RRP12: variants seen among roughly 807,000 people sequenced by gnomAD.
RRP12 encodes ribosomal RNA processing 12 homolog.
A neutral mutation model predicts 157.3 loss-of-function variants in RRP12; 78 were observed. The observed-to-expected ratio is 0.50, with a 90% CI of 0.41 to 0.60. The LOEUF (loss-of-function observed/expected upper bound fraction) is 0.60, where lower values mean the gene tolerates loss of function less well. RRP12 is among the 20% of genes least tolerant of loss of function. The pLI is 0.00. For synonymous variants in RRP12, 726 were observed against 670.9 expected (o/e 1.08, Z -1.27); for missense variants, 1,521 against 1,679.9 (o/e 0.91, Z 1.65).
intron 1 of RRP12, among the ~76,000 whole-genome samples, chr10:97,400,842 A>G (rs919373651): frequency 1.3e-5 from 2 of 152,188 alleles, no homozygotes; most frequent in Non-Finnish European, 2.9e-5. Flanking sequence ...GAGCTACCCA[A>G]GGTCCAAGCC....
rs1026313654 is a variant in RRP12 at position 97,374,527 on chromosome 10, C to G, written c.1799-633G>C. ...GTGGCTCACACCTGTAATCCCAGCACTTTGGGAGGCTGAGGCGGGCAGATC... is the reference window on the plus strand; with the variant it reads ...GTGGCTCACACCTGTAATCCCAGCAGTTTGGGAGGCTGAGGCGGGCAGATC... On this transcript the variant is annotated intron_variant, in intron 15 of 33. Transcript: ENST00000370992. Among the ~76,000 whole-genome samples, 4 of 151,660 alleles carry G rather than the reference C, an allele frequency of 2.6e-5. No homozygotes were observed. In the East Asian group the frequency reaches 7.9e-4, roughly 30 times the overall value.
In RRP12 at chr10:97,372,121, G is replaced by A. The variant is rs761443889; in HGVS notation, c.2295C>T (p.Asp765=). The A allele has an allele frequency of 2.0e-5, 32 of 1,613,600 alleles. No individual in the cohort carries two copies. Among genetic ancestry groups the A allele is most frequent in the Admixed American group, 1.0e-4 (6 of 59,994 alleles). Residue 765 remains aspartate, a synonymous_variant, in exon 20 of 34, where the codon GAC becomes GAT. Transcript: ENST00000370992. ...AGTATAGCTTACTGATGGCAGCTTCGTCAGCACACGGAGCCAAGGCCACGA... is the reference window on the plus strand; with the variant it reads ...AGTATAGCTTACTGATGGCAGCTTCATCAGCACACGGAGCCAAGGCCACGA... ...DLVVALAPCA[D]EAAISKLYST...
rs537074403 is a variant in RRP12, at chr10:97,400,359, G to A, written c.315C>T (p.Val105=). 2.5e-6 allele frequency: 4 copies of A among 1,613,866 alleles called. No homozygotes were observed. Among genetic ancestry groups the A allele is most frequent in the Admixed American group, 3.3e-5 (2 of 59,972 alleles). The part of the protein sequence containing the change: ...FLSGLSDCTN[V]TFSKVQRFWE... ...AGAAGCGCTGTACTTTGCTGAAGGT[G>A]ACGTTTGTGCAGTCGGAAAGGCCAC... The change falls in exon 2 of 34, where the codon GTC becomes GTT. Residue 105 remains valine (V), a synonymous_variant. Transcript: ENST00000370992.
At chr10:97,358,889 T>C in intron 32 of RRP12, 54 bp downstream of exon 32, 1 of 1,449,288 alleles carries the variant, frequency 6.9e-7, no homozygotes, top group Non-Finnish European at 9.7e-7. Flanking sequence ...TCCTTGCCCC[T>C]CCCTGGCACC....
At chr10:97,359,943 G>T (rs987534986) in intron 31 of RRP12, among the ~76,000 whole-genome samples, 7 of 152,228 alleles carry the variant, frequency 4.6e-5, no homozygotes. Flanking sequence ...CTTCCCACAG[G>T]AGCCCCTGGA....
In RRP12 at chr10:97,370,769, C is replaced by T. The variant is rs779173150; in HGVS notation, c.2530G>A (p.Val844Met). The change falls in exon 22 of 34, where the codon GTG becomes ATG. Residue 844 changes from valine to methionine, a missense_variant. Val to Met is a conservative substitution (Grantham distance 21). Transcript: ENST00000370992. ...RPRLKCLLHI[V>M]RKLSAEHKEF... ...TTGTGTTCAGCTGAGAGCTTCCTCA[C>T]GATGTGTAGGAGGCACTTCAAACGG... The T allele has an allele frequency of 7.4e-6, 12 of 1,613,962 alleles. No individual in the cohort carries two copies. The highest frequency in any genetic ancestry group is 2.2e-5 in the South Asian group (2 of 91,082).
chr10:97,399,815 G>C (rs1845086833), intron 2 of RRP12, among the ~76,000 whole-genome samples: 1 of 152,062 alleles, frequency 6.6e-6, no homozygotes, highest in Admixed American at 6.6e-5. Flanking sequence ...CTACTTGGGA[G>C]GCTGAGGCAG....
chr10:97,400,597 C>T (rs1845118376), intron 1 of RRP12, 63 bp from the exon 2 acceptor site: 2 of 1,389,432 alleles, frequency 1.4e-6, no homozygotes, highest in South Asian at 1.2e-5. Flanking sequence ...CAGAACAACC[C>T]CTGGGAAACA....
At chr10:97,399,908 ACT>A (rs1845089646) in intron 2 of RRP12, among the ~76,000 whole-genome samples, 2 of 152,152 alleles carry the variant, frequency 1.3e-5, no homozygotes, top group African/African-American at 4.8e-5. Context: ...ACAGAACGAG[ACT>A]CTGTCTCAAA....
Position 97,366,764 on chromosome 10 carries a change from G to GCTCATC in RRP12, c.3192_3193insGATGAG (p.Glu1064_Pro1065insAspGlu). On this transcript the variant is annotated inframe_insertion, in exon 27 of 34. Coordinates refer to ENST00000370992, the MANE Select transcript of RRP12 (RefSeq NM_015179.4). ...CACCTGTCACCTTTGCCCTGGGCGG[G>GCTCATC]CTCCTCCTCCTCCTCCTCCTCTTCT... is the stretch of plus-strand genomic sequence containing the variant. The GCTCATC allele has an allele frequency of 6.2e-7, 1 of 1,603,414 alleles. No individual in the cohort carries two copies. The highest frequency in any genetic ancestry group is 8.5e-7 in the Non-Finnish European group (1 of 1,172,456).
At chr10:97,374,487 CA>C (rs1844249304) in intron 15 of RRP12, among the ~76,000 whole-genome samples, 1 of 149,014 alleles carries the variant, frequency 6.7e-6, no homozygotes, top group Admixed American at 6.7e-5. Flanking sequence ...AAAACATAAA[CA>C]GGGGCTGGGT....
chr10:97,372,994 T>C, intron 18 of RRP12, 52 bp downstream of exon 18: 1 of 1,554,352 alleles, frequency 6.4e-7, no homozygotes, highest in South Asian at 1.2e-5. Flanking sequence ...TCTCTGACCC[T>C]GCCCACCTGA....
intron 29 of RRP12, among the ~76,000 whole-genome samples, chr10:97,364,747 C>A (rs139353588): frequency 3.2e-4 from 49 of 152,212 alleles, no homozygotes; most frequent in African/African-American, 1.1e-3. Flanking sequence ...GGGCTGAAGA[C>A]TGGGTTTCCT....
chr10:97,371,938 A>G, intron 20 of RRP12, 135 bp downstream of exon 20: 1 of 612,812 alleles, frequency 1.6e-6, no homozygotes, highest in Non-Finnish European at 2.9e-6. Context: ...AAGAGAAGCC[A>G]CTGCAGGAGA....
intron 28 of RRP12, 76 bp downstream of exon 28, chr10:97,366,370 C>A: frequency 6.4e-7 from 1 of 1,554,492 alleles, no homozygotes; most frequent in Non-Finnish European, 8.7e-7. Flanking sequence ...ATGGATGCCA[C>A]CCCCTACCCA....
intron 20 of RRP12, chr10:97,371,824 A>G (rs538620025): frequency 7.1e-6 from 3 of 423,786 alleles, no homozygotes; most frequent in Admixed American, 6.9e-5. Context: ...GCAAAGGAGC[A>G]TGGCCTTGGT....
chr10:97,373,681 G>A lies in RRP12; in HGVS notation c.1920C>T (p.Phe640=), dbSNP rs1465012693. ...TGCCCAGCGTCCGTGCCAGCCCTTT[G>A]AAGGAGATGGCCACATCTGTAGGCC... ...CTRPTDVAIS[F]KGLARTLGMA... is the part of the protein sequence containing the mutation. The change falls in exon 17 of 34, where the codon TTC becomes TTT. Residue 640 remains phenylalanine (F), a synonymous_variant. Coordinates refer to ENST00000370992, the MANE Select transcript of RRP12 (RefSeq NM_015179.4). 14 of 1,613,984 alleles carry A rather than the reference G, an allele frequency of 8.7e-6. No individual in the cohort carries two copies. The highest frequency in any genetic ancestry group is 1.2e-5 in the Non-Finnish European group (14 of 1,179,892).
chr10:97,363,972 C>G (rs1167515175), intron 29 of RRP12, 69 bp from the exon 30 acceptor site: 4 of 1,443,218 alleles, frequency 2.8e-6, no homozygotes, highest in Non-Finnish European at 3.9e-6. Flanking sequence ...TCCTTCTGCC[C>G]CCTCCTGGCT....
chr10:97,385,549 T>C lies in RRP12; in HGVS notation c.1117-292A>G, dbSNP rs113284882. On this transcript the variant is annotated intron_variant, in intron 9 of 33. Transcript: ENST00000370992. ...TTCTTTGAAAAAAAAAAACGTACAT[T>C]TTGCTAACAATTTGGGGGATCTGAT... Among the ~76,000 whole-genome samples, 705 of 152,102 alleles carry C rather than the reference T, an allele frequency of 4.6e-3. 3 individuals are homozygous for C. The Middle Eastern group carries it at 0.065, about 14-fold the overall frequency.
Sources: allele counts gnomAD v4.1 joint callset (sites outside exome capture counted in the v4.1 genomes callset), GRCh38; gene constraint gnomAD v4.1.1; transcripts MANE v1.5; gene names NCBI Gene and HGNC (gene_info 2026-07-23, HGNC 2026-07-21).